RBM33: variants seen among roughly 807,000 people sequenced by gnomAD.
RBM33 encodes RNA binding motif protein 33, also known as RNA-binding protein 33.
Under a neutral mutation model 132.6 loss-of-function variants are expected in RBM33, and 28 were observed. The observed-to-expected ratio is 0.21, with a 90% CI of 0.16 to 0.29. The LOEUF is 0.29. RBM33 is among the 10% of genes least tolerant of loss of function. The probability of loss-of-function intolerance (pLI) is 1.00; values close to 1 mark genes in which losing one functional copy is unlikely to be tolerated. For synonymous variants in RBM33, 634 were observed against 593.0 expected (o/e 1.07, Z -1.01); for missense variants, 1,291 against 1,518.5 (o/e 0.85, Z 2.49).
intron 15 of RBM33, 150 bp downstream of exon 15, chr7:155,764,168 G>A (rs1039193388): frequency 2.2e-5 from 16 of 717,388 alleles, no homozygotes; most frequent in African/African-American, 1.8e-4. Context: ...CTTTGAAAAC[G>A]CGTTAACATT....
intron 8 of RBM33, among the ~76,000 whole-genome samples, chr7:155,714,692 A>G (rs1800407886): frequency 6.6e-6 from 1 of 152,166 alleles, no homozygotes; most frequent in African/African-American, 2.4e-5. Flanking sequence ...GAGAAGGTGA[A>G]GGAACTCAAG....
chr7:155,650,708 A>T (rs1205254097), intron 1 of RBM33, among the ~76,000 whole-genome samples: 1 of 152,188 alleles, frequency 6.6e-6, no homozygotes, highest in African/African-American at 2.4e-5. Flanking sequence ...GGTTCCCTTT[A>T]AAAAAGTTAT....
In RBM33 at chr7:155,761,696, G is replaced by A. The variant is rs114891299; in HGVS notation, c.2980-2116G>A. Among the ~76,000 whole-genome samples, 1,062 of 152,152 alleles carry A rather than the reference G, an allele frequency of 7.0e-3. 16 individuals are homozygous for A. Among genetic ancestry groups the A allele is most frequent in the African/African-American group, 0.024 (999 of 41,488 alleles). ...TTTCTTGGTCAGTATCCTTAAAGGA[G>A]CATCAATTTTTTGCTGATCTCAAAA... On this transcript the variant is annotated intron_variant, in intron 14 of 17. Coordinates refer to ENST00000401878, the MANE Select transcript of RBM33 (RefSeq NM_053043.3).
chr7:155,780,566 C>G lies in RBM33; in HGVS notation c.*5525C>G, dbSNP rs1004851525. 2.0e-5 allele frequency: 3 copies of G among 152,424 alleles called. No homozygotes were observed. The highest frequency in any genetic ancestry group is 7.2e-5 in the African/African-American group (3 of 41,446). 9.4% of individuals were successfully genotyped at this position (152,424 alleles called of 1,614,324 possible). The stretch of plus-strand genomic sequence containing the variant: ...TTTCTGTTTTGCTTTCCTGGCTAAA[C>G]CCATCTACCATTCTTAACACTGGTA... On this transcript the variant is annotated 3_prime_UTR_variant, in exon 18 of 18. Transcript: ENST00000401878.
chr7:155,737,920 A>G, intron 10 of RBM33, 140 bp from the exon 11 acceptor site: 1 of 865,236 alleles, frequency 1.2e-6, no homozygotes, highest in Non-Finnish European at 1.8e-6. Flanking sequence ...ATAAGAGGCA[A>G]AATCTGGAAT....
chr7:155,717,004 T>G (rs1800480970), intron 8 of RBM33, among the ~76,000 whole-genome samples: 1 of 152,216 alleles, frequency 6.6e-6, no homozygotes, highest in Non-Finnish European at 1.5e-5. Context: ...TAAGGCTTAA[T>G]GTATGGAATT....
chr7:155,723,739 C>T (rs1205236804), intron 9 of RBM33, among the ~76,000 whole-genome samples: 2 of 152,128 alleles, frequency 1.3e-5, no homozygotes, highest in Non-Finnish European at 2.9e-5. Flanking sequence ...CAGGGGTACT[C>T]CTTGAAATCA....
intron 5 of RBM33, among the ~76,000 whole-genome samples, chr7:155,692,081 T>C (rs1033417595): frequency 6.6e-6 from 1 of 151,826 alleles, no homozygotes; most frequent in Non-Finnish European, 1.5e-5. Flanking sequence ...TTTTTTTTTC[T>C]TTGATTTTCA....
intron 3 of RBM33, among the ~76,000 whole-genome samples, chr7:155,676,393 T>C (rs1010724232): frequency 1.3e-5 from 2 of 152,242 alleles, no homozygotes. Context: ...CAACTCGTGT[T>C]GGACAGACAT....
chr7:155,677,621 T>C (rs1165406812), intron 3 of RBM33, among the ~76,000 whole-genome samples: 2 of 152,190 alleles, frequency 1.3e-5, no homozygotes, highest in African/African-American at 2.4e-5. Context: ...TTTTATCTTA[T>C]TGTGGTGTCA....
rs1268951220 is a variant in RBM33, at chr7:155,779,731, C to A, written c.*4690C>A. ...AGGCCGTTTGCCTCACACATTGTAA[C>A]CTGCCTTGGCTAGAAAATGCTTTTA... On this transcript the variant is annotated 3_prime_UTR_variant, in exon 18 of 18. Coordinates refer to ENST00000401878, the MANE Select transcript of RBM33 (RefSeq NM_053043.3). 1 of 152,160 alleles carries A rather than the reference C, an allele frequency of 6.6e-6. No individual in the cohort carries two copies. Among genetic ancestry groups the A allele is most frequent in the Non-Finnish European group, 1.5e-5 (1 of 68,032 alleles). The allele number at this position is 152,160 out of a possible 1,614,324, so 9.4% of individuals were successfully genotyped here.
chr7:155,732,092 C>G (rs1215848607), intron 9 of RBM33, among the ~76,000 whole-genome samples: 1 of 152,158 alleles, frequency 6.6e-6, no homozygotes, highest in Admixed American at 6.6e-5. Flanking sequence ...CTGGTTGGTC[C>G]TGTGGGAACA....
At chr7:155,701,032 A>G (rs560727940) in intron 6 of RBM33, 88 bp downstream of exon 6, 1 of 1,185,724 alleles carries the variant, frequency 8.4e-7, no homozygotes, top group African/African-American at 1.5e-5. Flanking sequence ...GTAGGCAAAG[A>G]AGGTTGACTA....
intron 13 of RBM33, among the ~76,000 whole-genome samples, chr7:155,742,957 A>G (rs1055333518): frequency 6.6e-6 from 1 of 152,236 alleles, no homozygotes; most frequent in African/African-American, 2.4e-5. Flanking sequence ...TCCAATAGCA[A>G]TGTCATGAAG....
chr7:155,737,360 T>C (rs903496029), intron 9 of RBM33, among the ~76,000 whole-genome samples, 170 bp from the exon 10 acceptor site: 16 of 146,560 alleles, frequency 1.1e-4, no homozygotes, highest in Admixed American at 6.7e-4. Flanking sequence ...ACTCTGTGTG[T>C]GTGTGTGTGT....
At chr7:155,732,825 G>C (rs1473034054) in intron 9 of RBM33, among the ~76,000 whole-genome samples, 1 of 152,186 alleles carries the variant, frequency 6.6e-6, no homozygotes, top group East Asian at 1.9e-4. Context: ...GTTATCCTGG[G>C]CAGTGAGAGA....
chr7:155,686,589 C>T (rs957215261), intron 5 of RBM33, among the ~76,000 whole-genome samples: 12 of 151,768 alleles, frequency 7.9e-5, no homozygotes, highest in African/African-American at 2.7e-4. Context: ...ATTAACTCGT[C>T]GTTTACATTA....
chr7:155,740,145 G>T, intron 12 of RBM33, 119 bp downstream of exon 12: 1 of 1,336,498 alleles, frequency 7.5e-7, no homozygotes, highest in South Asian at 1.6e-5. Flanking sequence ...TTTATAAAAT[G>T]TGTAGTACAT....
chr7:155,763,690 C>T (rs1166868251), intron 14 of RBM33, 122 bp from the exon 15 acceptor site: 90 of 862,538 alleles, frequency 1.0e-4, no homozygotes, highest in Non-Finnish European at 1.6e-4. Context: ...TTTCGAGTCA[C>T]ACTTGTTTGA....
Sources: allele counts gnomAD v4.1 joint callset (sites outside exome capture counted in the v4.1 genomes callset), GRCh38; gene constraint gnomAD v4.1.1; transcripts MANE v1.5; gene names NCBI Gene and HGNC (gene_info 2026-07-23, HGNC 2026-07-21).